SHC3: variants seen among roughly 807,000 people sequenced by gnomAD.
SHC3 encodes SHC-transforming protein 3.
A neutral mutation model predicts 60.4 loss-of-function variants in SHC3; 15 were observed. The observed-to-expected ratio is 0.25, with a 90% CI of 0.17 to 0.38. SHC3 has a LOEUF of 0.38. Ranked by LOEUF, SHC3 falls within the 10% of genes least tolerant of loss-of-function variation. The probability of loss-of-function intolerance (pLI) is 1.00; values close to 1 mark genes in which losing one functional copy is unlikely to be tolerated. For missense variants in SHC3, 677 were observed against 786.1 expected (o/e 0.86, Z 1.66); for synonymous variants, 294 against 325.9 (o/e 0.90, Z 1.05).
At chr9:89,141,344 G>C (rs921525743) in intron 1 of SHC3, among the ~76,000 whole-genome samples, 4 of 152,192 alleles carry the variant, frequency 2.6e-5, no homozygotes, top group Non-Finnish European at 4.4e-5. Flanking sequence ...CTTTATGACA[G>C]AACAATACAG....
At chr9:89,032,898 C>A (rs987127283) in intron 11 of SHC3, among the ~76,000 whole-genome samples, 4 of 152,250 alleles carry the variant, frequency 2.6e-5, no homozygotes, top group Admixed American at 2.0e-4. Context: ...ATTTTGGTGT[C>A]CCCACAGCAA....
At chr9:89,132,416 G>A (rs1008939681) in intron 1 of SHC3, among the ~76,000 whole-genome samples, 40 of 152,064 alleles carry the variant, frequency 2.6e-4, no homozygotes, top group South Asian at 6.2e-4. Context: ...CTACTTTAAA[G>A]TTCATATGGA....
intron 1 of SHC3, among the ~76,000 whole-genome samples, chr9:89,163,855 G>C (rs371906615): frequency 6.6e-6 from 1 of 151,398 alleles, no homozygotes; most frequent in Non-Finnish European, 1.5e-5. Context: ...GTCAGATTCA[G>C]TGTCTGGTGA....
In SHC3 at chr9:89,052,028, A is replaced by T; in HGVS notation, c.962+9T>A. On this transcript the variant is annotated intron_variant, in intron 7 of 11. Transcript: ENST00000375835. ...AGGCTATTGCAAATGGTGTCACAGC[A>T]CTACTCACCGATCATGGAGAGCGGG... 1 of 1,613,174 alleles carries T rather than the reference A, an allele frequency of 6.2e-7. No homozygotes were observed. Among genetic ancestry groups the T allele is most frequent in the Non-Finnish European group, 8.5e-7 (1 of 1,179,384 alleles).
chr9:89,040,728 C>T lies in SHC3; in HGVS notation c.1360+1298G>A, dbSNP rs574916167. ...ACATTTTTAAAAATAAAGGCACTGG[C>T]GGGACTGAATTAGGTGATCTAGCAT... is the stretch of plus-strand genomic sequence containing the variant. On this transcript the variant is annotated intron_variant, in intron 10 of 11. Transcript: ENST00000375835. Among the ~76,000 whole-genome samples the T allele has an allele frequency of 1.4e-4, 22 of 152,288 alleles. No homozygotes were observed. In the South Asian group the frequency reaches 1.7e-3, roughly 11 times the overall value.
chr9:89,079,169 T>A (rs1825407992), intron 2 of SHC3, among the ~76,000 whole-genome samples: 1 of 152,192 alleles, frequency 6.6e-6, no homozygotes, highest in Non-Finnish European at 1.5e-5. Flanking sequence ...GTTTTTGATG[T>A]TTATGCTTAC....
At chr9:89,168,987 A>T (rs895902452) in intron 1 of SHC3, among the ~76,000 whole-genome samples, 1 of 152,168 alleles carries the variant, frequency 6.6e-6, no homozygotes, top group African/African-American at 2.4e-5. Flanking sequence ...ACAGCATCAG[A>T]ACTGGAACTG....
chr9:89,131,587 C>T (rs189257034), intron 1 of SHC3, among the ~76,000 whole-genome samples: 7 of 152,184 alleles, frequency 4.6e-5, no homozygotes, highest in East Asian at 3.9e-4. Flanking sequence ...ATCCCCAGGA[C>T]GCAAGGCTGG....
At chr9:89,028,721 G>A (rs766398748) in intron 11 of SHC3, among the ~76,000 whole-genome samples, 2 of 141,466 alleles carry the variant, frequency 1.4e-5, no homozygotes, top group African/African-American at 5.3e-5. Flanking sequence ...TATCTATATA[G>A]AGAATATATA....
In SHC3 at chr9:89,114,074, A is replaced by G. The variant is rs143260401; in HGVS notation, c.475-1448T>C. The stretch of plus-strand genomic sequence containing the variant: ...CCACCTATGTCACAAAGTTATATGA[A>G]TACTACAACTGACAACAGAGTTATG... On this transcript the variant is annotated intron_variant, in intron 1 of 11. Coordinates refer to ENST00000375835, the MANE Select transcript of SHC3 (RefSeq NM_016848.6). Among the ~76,000 whole-genome samples the G allele has an allele frequency of 6.4e-4, 97 of 152,316 alleles. No homozygotes were observed. The East Asian group carries it at 0.015, about 24-fold the overall frequency.
chr9:89,141,817 T>C (rs1826397823), intron 1 of SHC3, among the ~76,000 whole-genome samples: 1 of 151,390 alleles, frequency 6.6e-6, no homozygotes, highest in Non-Finnish European at 1.5e-5. Context: ...TCACCCTGAA[T>C]AATAAAAAAT....
At chr9:89,172,988 C>A (rs1353860167) in intron 1 of SHC3, among the ~76,000 whole-genome samples, 2 of 152,176 alleles carry the variant, frequency 1.3e-5, no homozygotes, top group Non-Finnish European at 2.9e-5. Context: ...CTTCCCTGGG[C>A]CCGTCTCTTC....
At chr9:89,145,560 G>T (rs531503935) in intron 1 of SHC3, among the ~76,000 whole-genome samples, 1 of 152,368 alleles carries the variant, frequency 6.6e-6, no homozygotes, top group African/African-American at 2.4e-5. Flanking sequence ...TATGAAGATA[G>T]ATTCGGCTGT....
intron 2 of SHC3, among the ~76,000 whole-genome samples, chr9:89,086,338 G>A (rs540171051): frequency 6.6e-6 from 1 of 152,268 alleles, no homozygotes; most frequent in South Asian, 2.1e-4. Context: ...ACAAATCAGG[G>A]TTCCCACCAC....
rs1022127342 is a variant in SHC3 at position 89,058,439 on chromosome 9, G to A, written c.836-6276C>T. Among the ~76,000 whole-genome samples the A allele has an allele frequency of 5.3e-5, 8 of 151,524 alleles. No individual in the cohort carries two copies. In the East Asian group the frequency reaches 1.2e-3, roughly 22 times the overall value. ...GGTATAGGATGTGGTGGAGGATGGT[G>A]GTGGAGGATGATGGTGGAGGATGGT... On this transcript the variant is annotated intron_variant, in intron 6 of 11. Coordinates refer to ENST00000375835, the MANE Select transcript of SHC3 (RefSeq NM_016848.6).
At chr9:89,138,020 A>G (rs1332446377) in intron 1 of SHC3, among the ~76,000 whole-genome samples, 2 of 152,216 alleles carry the variant, frequency 1.3e-5, no homozygotes, top group African/African-American at 4.8e-5. Flanking sequence ...CAGAGTTGGG[A>G]AAGATTAGTC....
In SHC3 at chr9:89,083,227, G is replaced by A. The variant is rs145447547; in HGVS notation, c.546-5324C>T. On this transcript the variant is annotated intron_variant, in intron 2 of 11. Transcript: ENST00000375835. ...CACACGTGTACTATGAAGGACTGGA[G>A]TGTGCAATTCTACCTTTCAGAGGAG... Among the ~76,000 whole-genome samples, 83 of 152,366 alleles carry A rather than the reference G, an allele frequency of 5.4e-4. 1 individual carries two copies. The highest frequency in any genetic ancestry group is 2.0e-3 in the African/African-American group (82 of 41,584).
intron 1 of SHC3, among the ~76,000 whole-genome samples, chr9:89,135,206 T>A (rs1377731272): frequency 2.0e-5 from 3 of 152,108 alleles, no homozygotes; most frequent in Non-Finnish European, 4.4e-5. Flanking sequence ...AAACTTGACT[T>A]GTAGAGCCAA....
intron 6 of SHC3, among the ~76,000 whole-genome samples, chr9:89,061,184 C>T (rs1825083673): frequency 6.6e-6 from 1 of 152,216 alleles, no homozygotes. Flanking sequence ...GCCACAGTGT[C>T]ATTCGATGGC....
Sources: gnomAD v4.1 joint callset for allele counts (sites outside exome capture counted in the v4.1 genomes callset) on GRCh38, gnomAD v4.1.1 for gene constraint, MANE v1.5 for transcripts, NCBI Gene and HGNC (gene_info 2026-07-23, HGNC 2026-07-21) for gene names.